The following DAPK1 variants were observed in gnomAD, a reference collection of about 807,000 sequenced individuals.
The protein encoded by DAPK1 is death associated protein kinase 1, also known as death-associated protein kinase 1.
DAPK1 carries 56 observed loss-of-function variants against 144.9 expected under a neutral mutation model. That is an observed-to-expected ratio of 0.39 (90% CI 0.31 to 0.48). The LOEUF (loss-of-function observed/expected upper bound fraction) is 0.48, where lower values mean the gene tolerates loss of function less well. Among genes scored for constraint, DAPK1 ranks in the 20% least tolerant of loss-of-function variants. The probability of loss-of-function intolerance (pLI) is 0.95; values close to 1 mark genes in which losing one functional copy is unlikely to be tolerated. For synonymous variants in DAPK1, 690 were observed against 749.0 expected (o/e 0.92, Z 1.29); for missense variants, 1,454 against 1,875.4 (o/e 0.78, Z 4.15).
chr9:87,676,892 C>T (rs1587836546), intron 19 of DAPK1, among the ~76,000 whole-genome samples: 1 of 152,194 alleles, frequency 6.6e-6, no homozygotes, highest in African/African-American at 2.4e-5. Flanking sequence ...GAGGAACCTG[C>T]CACCTCCCTT....
chr9:87,568,140 C>G (rs1827199430), intron 2 of DAPK1, among the ~76,000 whole-genome samples: 1 of 152,202 alleles, frequency 6.6e-6, no homozygotes, highest in Admixed American at 6.5e-5. Flanking sequence ...GCCACCCAGG[C>G]ATAAGGCACC....
Position 87,663,246 on chromosome 9 carries a change from T to G in DAPK1, c.1923+5119T>G, listed in dbSNP as rs907091331. 2.0e-5 allele frequency among the ~76,000 whole-genome samples: 3 copies of G among 152,144 alleles called. 1 individual carries two copies. ...ACTCACCTCCTGACAGCTTTCCTTC[T>G]AAACTGTCTTACTATAAAAGAAAGC... On this transcript the variant is annotated intron_variant, in intron 18 of 25. Transcript: ENST00000408954.
At chr9:87,610,889 CAAAAT>C (rs1372851209) in intron 3 of DAPK1, among the ~76,000 whole-genome samples, 5 of 152,162 alleles carry the variant, frequency 3.3e-5, no homozygotes, top group Non-Finnish European at 7.3e-5. Context: ...CACGAACAGA[CAAAAT>C]AAAACATCTG....
intron 2 of DAPK1, among the ~76,000 whole-genome samples, chr9:87,535,171 T>A (rs1444453659): frequency 6.6e-6 from 1 of 152,138 alleles, no homozygotes; most frequent in East Asian, 1.9e-4. Flanking sequence ...AAGCTCTGTC[T>A]ATTTTAATGG....
chr9:87,611,573 T>A (rs1828931379), intron 3 of DAPK1, among the ~76,000 whole-genome samples: 1 of 152,168 alleles, frequency 6.6e-6, no homozygotes, highest in Non-Finnish European at 1.5e-5. Flanking sequence ...ATTCTCCCAC[T>A]TCTGCCTCCT....
chr9:87,652,343 G>C (rs28703135), intron 17 of DAPK1, among the ~76,000 whole-genome samples: 1 of 39,692 alleles, frequency 2.5e-5, no homozygotes, highest in Non-Finnish European at 4.5e-5. Context: ...ACCTGATCCC[G>C]GGTCCTGATT....
intron 3 of DAPK1, among the ~76,000 whole-genome samples, chr9:87,637,360 G>C (rs920531505): frequency 5.9e-5 from 9 of 152,102 alleles, no homozygotes; most frequent in Non-Finnish European, 1.2e-4. Context: ...CCAAAGTGCT[G>C]GGATTACAGG....
In DAPK1 at chr9:87,623,339, AATG is replaced by A. The variant is rs61070849; in HGVS notation, c.285-14603_285-14601del. Among the ~76,000 whole-genome samples the A allele has an allele frequency of 3.5e-3, 534 of 152,312 alleles. 4 individuals are homozygous for A. Among genetic ancestry groups the A allele is most frequent in the African/African-American group, 0.012 (514 of 41,558 alleles). ...TCCTTTTCCACACAGGCTGGACCTT[AATG>A]CAGCTTCACAGATTAGTCTTTCATG... is the stretch of plus-strand genomic sequence containing the variant. On this transcript the variant is annotated intron_variant, in intron 3 of 25. Coordinates refer to ENST00000408954, the MANE Select transcript of DAPK1 (RefSeq NM_004938.4).
intron 2 of DAPK1, among the ~76,000 whole-genome samples, chr9:87,574,620 A>C (rs1248187470): frequency 6.6e-6 from 1 of 152,174 alleles, no homozygotes; most frequent in African/African-American, 2.4e-5. Context: ...CAGTCATCTA[A>C]ATTTGAAGGT....
At chr9:87,577,934 G>A (rs1827622095) in intron 2 of DAPK1, among the ~76,000 whole-genome samples, 1 of 152,156 alleles carries the variant, frequency 6.6e-6, no homozygotes, top group African/African-American at 2.4e-5. Flanking sequence ...GATTGGAACT[G>A]GAGGAAGAAT....
At position 87,706,746 on chromosome 9, in the gene DAPK1, C is replaced by G. The variant is rs978783268; in HGVS notation, c.3675C>G (p.Thr1225=). The G allele has an allele frequency of 9.3e-6, 15 of 1,613,458 alleles. No individual in the cohort carries two copies. The highest frequency in any genetic ancestry group is 5.0e-5 in the Admixed American group (3 of 60,030). The part of the protein sequence containing the change: ...VCSTIENVMA[T]TLPGLLTVKH... Reference sequence around the variant, plus strand: ...GCACCATTGAGAACGTCATGGCCACCACGCTGCCAGGGCTCCTGACCGTGA... The same window carrying G: ...GCACCATTGAGAACGTCATGGCCACGACGCTGCCAGGGCTCCTGACCGTGA... Residue 1225 remains threonine (T), a synonymous_variant, in exon 26 of 26, where the codon ACC becomes ACG. Transcript: ENST00000408954. This position sits in a 1 kb window ranked among gnomAD's most constrained non-coding sequence, Gnocchi z 9.0.
At chr9:87,577,444 C>T (rs1002687268) in intron 2 of DAPK1, among the ~76,000 whole-genome samples, 1 of 152,130 alleles carries the variant, frequency 6.6e-6, no homozygotes, top group Non-Finnish European at 1.5e-5. Context: ...AGGGTCCCCC[C>T]CAAGAGATAC....
chr9:87,531,644 G>A (rs537752639), intron 2 of DAPK1, among the ~76,000 whole-genome samples: 5 of 152,186 alleles, frequency 3.3e-5, no homozygotes, highest in Non-Finnish European at 4.4e-5. Flanking sequence ...TCTCCCCAGT[G>A]TAGGGCATTG....
chr9:87,593,946 CA>C lies in DAPK1; in HGVS notation c.63-11007del, dbSNP rs549500605. Among the ~76,000 whole-genome samples the C allele has an allele frequency of 3.3e-3, 508 of 152,312 alleles. 3 individuals are homozygous for C. Among genetic ancestry groups the C allele is most frequent in the Middle Eastern group, 0.02 (6 of 294 alleles). On this transcript the variant is annotated intron_variant, in intron 2 of 25. Coordinates refer to ENST00000408954, the MANE Select transcript of DAPK1 (RefSeq NM_004938.4). ...GAGCTGACCAGAACCACTCGAGAGCCAGGGGGCTCAACTGGGGTCTTGGGGC... is the reference window on the plus strand; with the variant it reads ...GAGCTGACCAGAACCACTCGAGAGCCGGGGGCTCAACTGGGGTCTTGGGGC...
chr9:87,554,843 T>C (rs1826644447), intron 2 of DAPK1, among the ~76,000 whole-genome samples: 1 of 152,208 alleles, frequency 6.6e-6, no homozygotes, highest in African/African-American at 2.4e-5. Flanking sequence ...GTGTCAGGGC[T>C]TCTGCCCTTG....
chr9:87,516,826 G>A (rs1301295943), intron 2 of DAPK1, among the ~76,000 whole-genome samples: 1 of 152,108 alleles, frequency 6.6e-6, no homozygotes, highest in Non-Finnish European at 1.5e-5. Context: ...GGATTTGGAG[G>A]ATATTGTGCA....
intron 17 of DAPK1, among the ~76,000 whole-genome samples, chr9:87,655,359 T>G (rs1239228807): frequency 3.4e-5 from 5 of 147,378 alleles, no homozygotes; most frequent in Middle Eastern, 3.5e-3. Flanking sequence ...GTTTTGCTAT[T>G]TTTTTTTTTA....
chr9:87,660,031 C>T (rs939094094), intron 18 of DAPK1, among the ~76,000 whole-genome samples: 9 of 152,160 alleles, frequency 5.9e-5, no homozygotes, highest in Admixed American at 6.5e-5. Flanking sequence ...GGGCTGGGGG[C>T]GCCCCTGCGG....
At chr9:87,599,850 T>C (rs1001099369) in intron 2 of DAPK1, among the ~76,000 whole-genome samples, 24 of 152,374 alleles carry the variant, frequency 1.6e-4, no homozygotes, top group African/African-American at 5.5e-4. Flanking sequence ...GGTCAAATCA[T>C]TTTTGTCATT....
Sources: gnomAD v4.1 joint callset for allele counts (sites outside exome capture counted in the v4.1 genomes callset) on GRCh38, gnomAD v4.1.1 for gene constraint, Gnocchi (gnomAD v3.1) non-coding constraint, MANE v1.5 for transcripts, NCBI Gene and HGNC (gene_info 2026-07-23, HGNC 2026-07-21) for gene names.